The following CHST11 variants were observed in gnomAD, a reference collection of about 807,000 sequenced individuals.
The protein encoded by CHST11 is C4S-1.
Under a neutral mutation model 30.4 loss-of-function variants are expected in CHST11, and 9 were observed. The observed-to-expected ratio is 0.30, with a 90% CI of 0.18 to 0.52. The LOEUF is 0.52. Among genes scored for constraint, CHST11 ranks in the 20% least tolerant of loss-of-function variants. CHST11 has a pLI of 0.97. For synonymous variants in CHST11, 152 were observed against 187.8 expected, an observed-to-expected ratio of 0.81 and a Z score of 1.56; for missense variants, 348 against 460.6, an observed-to-expected ratio of 0.76 and a Z score of 2.24.
In CHST11 at chr12:104,609,014, G is replaced by A. The variant is rs1009273121; in HGVS notation, c.204+7023G>A. On this transcript the variant is annotated intron_variant, in intron 2 of 2. Transcript: ENST00000303694. ...CAGGCGTCAGATGGACATTTCTGAAGGATCAGTTACAATCATAGAAATGAG... is the reference window on the plus strand; with the variant it reads ...CAGGCGTCAGATGGACATTTCTGAAAGATCAGTTACAATCATAGAAATGAG... Among the ~76,000 whole-genome samples the A allele has an allele frequency of 2.6e-5, 4 of 152,210 alleles. No homozygotes were observed. In the East Asian group the frequency reaches 7.7e-4, roughly 29 times the overall value.
chr12:104,611,743 C>T (rs1022863457), intron 2 of CHST11, among the ~76,000 whole-genome samples: 17 of 152,184 alleles, frequency 1.1e-4, no homozygotes. Context: ...CATGCTGATG[C>T]CCGATGTTTC....
chr12:104,753,655 C>T (rs1857284701), intron 2 of CHST11, among the ~76,000 whole-genome samples: 1 of 152,222 alleles, frequency 6.6e-6, no homozygotes, highest in Non-Finnish European at 1.5e-5. Context: ...GGAAGATTCT[C>T]TGTGGGACCC....
chr12:104,686,077 TA>T lies in CHST11; in HGVS notation c.205-70866del, dbSNP rs1407919376. ...ACCCTCATCTCTACGAAAACATTTT[TA>T]AAAAATTAGCTGGGCATGGTGGTGC... On this transcript the variant is annotated intron_variant, in intron 2 of 2. Coordinates refer to ENST00000303694, the MANE Select transcript of CHST11 (RefSeq NM_018413.6). Among the ~76,000 whole-genome samples the T allele has an allele frequency of 4.0e-5, 6 of 151,850 alleles. No individual in the cohort carries two copies. In the East Asian group the frequency reaches 1.2e-3, roughly 29 times the overall value.
chr12:104,533,854 G>C (rs1041170363), intron 1 of CHST11, among the ~76,000 whole-genome samples: 3 of 152,204 alleles, frequency 2.0e-5, no homozygotes, highest in African/African-American at 7.2e-5. Context: ...AGCTTTTCTG[G>C]ATAAGTCTTT....
intron 1 of CHST11, among the ~76,000 whole-genome samples, chr12:104,597,076 C>G (rs891380930): frequency 2.0e-5 from 3 of 152,188 alleles, no homozygotes. Context: ...GCCCAGAGAA[C>G]CAGGTGGGCT....
At chr12:104,518,447 T>A (rs2038046179) in intron 1 of CHST11, among the ~76,000 whole-genome samples, 1 of 152,276 alleles carries the variant, frequency 6.6e-6, no homozygotes, top group African/African-American at 2.4e-5. Context: ...AGGTTGTCAG[T>A]TGCCTTTGTG....
chr12:104,674,285 C>T (rs976389984), intron 2 of CHST11, among the ~76,000 whole-genome samples: 4 of 151,950 alleles, frequency 2.6e-5, no homozygotes, highest in South Asian at 2.1e-4. Context: ...CAGAGTGATC[C>T]GAACCAGATC....
At chr12:104,611,666 C>A (rs10861251) in intron 2 of CHST11, among the ~76,000 whole-genome samples, 45,703 of 151,974 alleles carry the variant, frequency 0.3, 7,038 homozygotes, top group East Asian at 0.42. Flanking sequence ...AGGCGGCTGG[C>A]CATCAGGGTG....
chr12:104,704,755 G>A (rs1013573041), intron 2 of CHST11, among the ~76,000 whole-genome samples: 20 of 151,768 alleles, frequency 1.3e-4, no homozygotes, highest in African/African-American at 7.3e-5. Flanking sequence ...TCAGAACCCC[G>A]GCCTTTGGAG....
At position 104,737,905 on chromosome 12, in the gene CHST11, C is replaced by A. The variant is rs2040314437; in HGVS notation, c.205-19044C>A. 2.0e-5 allele frequency among the ~76,000 whole-genome samples: 3 copies of A among 152,070 alleles called. 1 individual carries two copies. The South Asian group carries it at 6.2e-4, about 32-fold the overall frequency. On this transcript the variant is annotated intron_variant, in intron 2 of 2. Coordinates refer to ENST00000303694, the MANE Select transcript of CHST11 (RefSeq NM_018413.6). ...GCCTGTCCCCAGCTGTCACTGGATG[C>A]CTTTGTTCCCTGGAGCCAAGAGGCC...
intron 1 of CHST11, chr12:104,591,762 G>T (rs11112119): frequency 0.28 from 43,201 of 153,066 alleles, 6,282 homozygotes; most frequent in African/African-American, 0.34. Flanking sequence ...CATGACCCAC[G>T]GGTGTGTTGT....
chr12:104,753,165 G>T (rs535884931), intron 2 of CHST11, among the ~76,000 whole-genome samples: 4 of 152,312 alleles, frequency 2.6e-5, no homozygotes, highest in South Asian at 2.1e-4. Flanking sequence ...CTCGTTGACA[G>T]AAGGCAATGC....
chr12:104,689,435 C>CAT (rs1459426450), intron 2 of CHST11, among the ~76,000 whole-genome samples: 1 of 152,260 alleles, frequency 6.6e-6, no homozygotes, highest in Non-Finnish European at 1.5e-5. Flanking sequence ...TGGGGCAGAA[C>CAT]ATACTTCCCA....
intron 1 of CHST11, among the ~76,000 whole-genome samples, chr12:104,584,261 C>CTTTTTTTTTTTTTTTTTTTT (rs34673490): frequency 7.3e-6 from 1 of 136,788 alleles, no homozygotes; most frequent in Non-Finnish European, 1.5e-5. Context: ...TCTCTTTCTT[C>CTTTTTTTTTTTTTTTTTTTT]TTTTTTTTTT....
At chr12:104,714,350 A>G (rs541868441) in intron 2 of CHST11, among the ~76,000 whole-genome samples, 2 of 152,300 alleles carry the variant, frequency 1.3e-5, no homozygotes, top group African/African-American at 4.8e-5. Flanking sequence ...TGTGAAGTGG[A>G]GTGCAAAGCC....
intron 2 of CHST11, among the ~76,000 whole-genome samples, chr12:104,684,479 C>T (rs573308573): frequency 1.8e-4 from 27 of 152,218 alleles, no homozygotes; most frequent in Non-Finnish European, 3.4e-4. Flanking sequence ...TCCATGGCTC[C>T]AAAGGCTATT....
intron 2 of CHST11, among the ~76,000 whole-genome samples, chr12:104,624,361 T>A (rs2039190987): frequency 6.6e-6 from 1 of 152,130 alleles, no homozygotes; most frequent in Admixed American, 6.5e-5. Flanking sequence ...AGACTGAATG[T>A]GTGGTCTCAG....
intron 1 of CHST11, among the ~76,000 whole-genome samples, chr12:104,573,441 G>A (rs1487612188): frequency 4.6e-5 from 7 of 152,016 alleles, no homozygotes; most frequent in East Asian, 3.8e-4. Context: ...GAGGCATCAC[G>A]CTACCTGACT....
intron 2 of CHST11, among the ~76,000 whole-genome samples, chr12:104,660,927 A>G (rs1381382193): frequency 6.6e-6 from 1 of 152,086 alleles, no homozygotes; most frequent in Non-Finnish European, 1.5e-5. Context: ...TGTGGTTCTC[A>G]TCCTTCTGTG....
Sources: gnomAD v4.1 joint callset for allele counts (sites outside exome capture counted in the v4.1 genomes callset) on GRCh38, gnomAD v4.1.1 for gene constraint, MANE v1.5 for transcripts, NCBI Gene and HGNC (gene_info 2026-07-23, HGNC 2026-07-21) for gene names.